TLL1: variants seen among roughly 807,000 people sequenced by gnomAD.
TLL1 encodes the protein tolloid like 1, also known as tolloid-like protein 1.
Under a neutral mutation model 128.2 loss-of-function variants are expected in TLL1, and 49 were observed. That is an observed-to-expected ratio of 0.38 (90% CI 0.30 to 0.48). TLL1 has a LOEUF of 0.48. Among genes scored for constraint, TLL1 ranks in the 20% least tolerant of loss-of-function variants. The pLI is 0.96. For missense variants in TLL1, 1,123 were observed against 1,242.0 expected, an observed-to-expected ratio of 0.90 and a Z score of 1.44; for synonymous variants, 454 against 418.8, an observed-to-expected ratio of 1.08 and a Z score of -1.03.
intron 1 of TLL1, among the ~76,000 whole-genome samples, chr4:165,914,517 A>G (rs893326908): frequency 2.0e-5 from 3 of 152,236 alleles, no homozygotes; most frequent in Non-Finnish European, 4.4e-5. Flanking sequence ...TGTCCTTGTG[A>G]AGAACTGTGA....
chr4:166,053,077 A>G (rs1739834546), intron 12 of TLL1: 1 of 150,290 alleles, frequency 6.7e-6, no homozygotes, highest in Admixed American at 6.7e-5. Context: ...AATATTTTCC[A>G]TTTATTCCCA....
intron 1 of TLL1, among the ~76,000 whole-genome samples, chr4:165,887,246 G>A (rs1330166350): frequency 1.3e-5 from 2 of 151,884 alleles, no homozygotes; most frequent in African/African-American, 2.4e-5. Context: ...TGGTGTAGTT[G>A]GTGGAAGAAG....
intron 1 of TLL1, among the ~76,000 whole-genome samples, chr4:165,978,084 T>C (rs1436759024): frequency 1.3e-5 from 2 of 152,156 alleles, no homozygotes; most frequent in Non-Finnish European, 2.9e-5. Context: ...TCCTAACTCT[T>C]TTAACAGAAC....
chr4:166,076,993 T>C (rs1741063131), intron 17 of TLL1, among the ~76,000 whole-genome samples: 1 of 152,142 alleles, frequency 6.6e-6, no homozygotes, highest in Non-Finnish European at 1.5e-5. Flanking sequence ...ACAAGTGTGT[T>C]GTCCATTGAA....
chr4:166,078,063 G>T, intron 18 of TLL1, 33 bp downstream of exon 18: 1 of 1,611,772 alleles, frequency 6.2e-7, no homozygotes, highest in Non-Finnish European at 8.5e-7. Flanking sequence ...TTTCCATTAA[G>T]CTGACTGCCC....
At chr4:165,904,837 G>A (rs756828587) in intron 1 of TLL1, among the ~76,000 whole-genome samples, 1 of 152,090 alleles carries the variant, frequency 6.6e-6, no homozygotes, top group Non-Finnish European at 1.5e-5. Flanking sequence ...TAAAAAATAA[G>A]CAATGTATTT....
chr4:166,090,468 A>G (rs572469974), intron 18 of TLL1, among the ~76,000 whole-genome samples: 2 of 152,184 alleles, frequency 1.3e-5, no homozygotes, highest in African/African-American at 4.8e-5. Context: ...TTTAAATGTC[A>G]TAAATAAGAG....
At chr4:166,090,785 A>G (rs967439221) in intron 18 of TLL1, among the ~76,000 whole-genome samples, 1 of 152,078 alleles carries the variant, frequency 6.6e-6, no homozygotes, top group African/African-American at 2.4e-5. Flanking sequence ...ATCTTTTAAT[A>G]TGATTGTTTG....
chr4:166,007,497 T>G (rs2111040554), intron 6 of TLL1, among the ~76,000 whole-genome samples: 1 of 151,858 alleles, frequency 6.6e-6, no homozygotes, highest in South Asian at 2.1e-4. Context: ...CTTTTATATC[T>G]TCTCCTATTG....
At chr4:165,879,898 C>T (rs1730903477) in intron 1 of TLL1, among the ~76,000 whole-genome samples, 1 of 152,116 alleles carries the variant, frequency 6.6e-6, no homozygotes, top group Non-Finnish European at 1.5e-5. Context: ...AACCTCTTAA[C>T]AGTTCTTTCA....
chr4:165,988,874 G>A (rs1736506363), intron 1 of TLL1, among the ~76,000 whole-genome samples: 1 of 152,096 alleles, frequency 6.6e-6, no homozygotes, highest in Non-Finnish European at 1.5e-5. Flanking sequence ...TGTATGAAAT[G>A]TGGTGAATGA....
At chr4:166,091,105 A>AAT in intron 18 of TLL1, 23 bp from the exon 19 acceptor site, 1 of 1,539,822 alleles carries the variant, frequency 6.5e-7, no homozygotes, top group Non-Finnish European at 8.9e-7. Context: ...TTTTAAAAAA[A>AAT]TTATTTCTTC....
At chr4:165,919,480 A>G (rs1440931550) in intron 1 of TLL1, among the ~76,000 whole-genome samples, 1 of 151,766 alleles carries the variant, frequency 6.6e-6, no homozygotes, top group Non-Finnish European at 1.5e-5. Context: ...TTATGATATT[A>G]TTACAATTTT....
At chr4:165,998,941 G>A (rs1458713405) in intron 5 of TLL1, among the ~76,000 whole-genome samples, 1 of 152,088 alleles carries the variant, frequency 6.6e-6, no homozygotes, top group Non-Finnish European at 1.5e-5. Flanking sequence ...AGGCAGTACG[G>A]GTGTGCTAGC....
rs149700559 is a variant in TLL1, at chr4:165,982,586, GAAT to G, written c.170-6786_170-6784del. On this transcript the variant is annotated intron_variant, in intron 1 of 20. Transcript: ENST00000061240. ...TGCCAAAAGGGAAGTCTTTTACAAAGAATAATAATAACCAGAAAGGTTGTAGTA... is the reference window on the plus strand; with the variant it reads ...TGCCAAAAGGGAAGTCTTTTACAAAGAATAATAACCAGAAAGGTTGTAGTA... Among the ~76,000 whole-genome samples the G allele has an allele frequency of 9.2e-3, 1,391 of 151,628 alleles. 18 individuals are homozygous for G. Among genetic ancestry groups the G allele is most frequent in the East Asian group, 0.042 (218 of 5,152 alleles).
At chr4:166,094,718 G>T (rs1741941413) in intron 19 of TLL1, among the ~76,000 whole-genome samples, 1 of 151,980 alleles carries the variant, frequency 6.6e-6, no homozygotes, top group Non-Finnish European at 1.5e-5. Flanking sequence ...TGTTTTTTCA[G>T]CTAGGTTGGA....
chr4:165,902,304 A>ACC (rs1225946258), intron 1 of TLL1, among the ~76,000 whole-genome samples: 11 of 152,032 alleles, frequency 7.2e-5, no homozygotes, highest in African/African-American at 2.7e-4. Context: ...AAAAAAAACA[A>ACC]AAAAACAAAA....
At chr4:165,983,840 G>T (rs1474921479) in intron 1 of TLL1, among the ~76,000 whole-genome samples, 4 of 151,750 alleles carry the variant, frequency 2.6e-5, no homozygotes, top group Admixed American at 2.0e-4. Context: ...AAGACATACT[G>T]TTTTCAAATG....
chr4:165,894,856 TGTGTGTG>T (rs1731597701), intron 1 of TLL1, among the ~76,000 whole-genome samples: 2 of 151,746 alleles, frequency 1.3e-5, no homozygotes, highest in African/African-American at 4.8e-5. Context: ...TGTGTGTGTG[TGTGTGTG>T]TGTGTGTGTG....
Sources: allele counts gnomAD v4.1 joint callset (sites outside exome capture counted in the v4.1 genomes callset), GRCh38; gene constraint gnomAD v4.1.1; transcripts MANE v1.5; gene names NCBI Gene and HGNC (gene_info 2026-07-23, HGNC 2026-07-21).